Variants in PRKG1 observed in about 807,000 individuals in gnomAD.
The protein encoded by PRKG1 is protein kinase cGMP-dependent 1, also known as cGMP-dependent protein kinase 1.
Under a neutral mutation model 88.1 loss-of-function variants are expected in PRKG1, and 35 were observed. That is an observed-to-expected ratio of 0.40 (90% CI 0.30 to 0.53). PRKG1 has a LOEUF of 0.53. PRKG1 is among the 20% of genes least tolerant of loss of function. PRKG1 has a pLI of 0.59. For synonymous variants in PRKG1, 303 were observed against 292.5 expected (o/e 1.04, Z -0.37); for missense variants, 540 against 839.8 (o/e 0.64, Z 4.41).
At chr10:51,631,143 T>C (rs984777300) in intron 3 of PRKG1, among the ~76,000 whole-genome samples, 1 of 152,198 alleles carries the variant, frequency 6.6e-6, no homozygotes, top group African/African-American at 2.4e-5. Context: ...TTCTTGGTAT[T>C]TTATTTTAAA....
chr10:51,518,599 C>A (rs770407418), intron 3 of PRKG1, among the ~76,000 whole-genome samples: 2 of 152,142 alleles, frequency 1.3e-5, no homozygotes, highest in Non-Finnish European at 2.9e-5. Flanking sequence ...TCCGGGAAAA[C>A]AGATCCTTTA....
At chr10:52,289,096 C>A in intron 16 of PRKG1, 103 bp downstream of exon 16, 1 of 1,093,130 alleles carries the variant, frequency 9.1e-7, no homozygotes, top group Non-Finnish European at 1.3e-6. Flanking sequence ...CCTATAGGAA[C>A]ATCCAAAGAC....
At chr10:51,365,221 A>C (rs1842564745) in intron 2 of PRKG1, among the ~76,000 whole-genome samples, 2 of 151,836 alleles carry the variant, frequency 1.3e-5, no homozygotes, top group Non-Finnish European at 2.9e-5. Context: ...TATCATCATC[A>C]TCTTCTTCGT....
At chr10:51,014,494 A>T (rs1445046257) in intron 1 of PRKG1, among the ~76,000 whole-genome samples, 1 of 152,188 alleles carries the variant, frequency 6.6e-6, no homozygotes, top group African/African-American at 2.4e-5. Flanking sequence ...AGAGGTAAGT[A>T]ATAGGGCTTT....
intron 5 of PRKG1, among the ~76,000 whole-genome samples, chr10:51,929,381 C>T (rs1842642893): frequency 7.8e-6 from 1 of 128,034 alleles, no homozygotes; most frequent in Non-Finnish European, 1.6e-5. Context: ...GACCAAGTCT[C>T]ATTCGGTGGC....
At chr10:52,183,532 C>T (rs547821849) in intron 9 of PRKG1, among the ~76,000 whole-genome samples, 2 of 152,290 alleles carry the variant, frequency 1.3e-5, no homozygotes, top group South Asian at 2.1e-4. Context: ...AGTTGGTTTT[C>T]CTACCGTCCA....
chr10:51,822,142 CATATGTAT>C (rs1228827387), intron 4 of PRKG1, among the ~76,000 whole-genome samples: 2 of 151,544 alleles, frequency 1.3e-5, no homozygotes, highest in Non-Finnish European at 1.5e-5. Context: ...GTATGTATGT[CATATGTAT>C]ATATGTATAT....
intron 5 of PRKG1, among the ~76,000 whole-genome samples, chr10:51,969,555 A>G (rs1037339003): frequency 6.6e-5 from 10 of 152,264 alleles, no homozygotes; most frequent in African/African-American, 2.4e-4. Context: ...AAGAACTTTT[A>G]CAAATCAATA....
rs751572252 is a variant in PRKG1, at chr10:50,991,509, A to G, written c.131A>G (p.Gln44Arg). 45 of 1,611,676 alleles carry G rather than the reference A, an allele frequency of 2.8e-5. No individual in the cohort carries two copies. Among genetic ancestry groups the G allele is most frequent in the Non-Finnish European group, 3.7e-5 (44 of 1,179,132 alleles). Reference sequence around the variant, plus strand: ...CTGAAGAGGAAACTCCACAAATGCCAGTCGGTGCTCCCAGTGCCCTCGACC... The same window carrying G: ...CTGAAGAGGAAACTCCACAAATGCCGGTCGGTGCTCCCAGTGCCCTCGACC... Residue 44 changes from glutamine (Q) to arginine (R), a missense_variant, in exon 1 of 18, where the codon CAG becomes CGG. Transcript: ENST00000401604. This position sits in a 1 kb window ranked among gnomAD's most constrained non-coding sequence, Gnocchi z 4.5.
intron 5 of PRKG1, among the ~76,000 whole-genome samples, chr10:52,051,976 TCTC>T (rs139476023): frequency 0.26 from 38,862 of 151,866 alleles, 6,096 homozygotes; most frequent in East Asian, 0.7. Flanking sequence ...GGAAAGATGT[TCTC>T]CTCTCCCGCT....
rs572047868 is a variant in PRKG1, at chr10:52,187,060, G to A, written c.1076+25097G>A. Among the ~76,000 whole-genome samples, 268 of 152,090 alleles carry A rather than the reference G, an allele frequency of 1.8e-3. No homozygotes were observed. In the Middle Eastern group the frequency reaches 0.037, roughly 21 times the overall value. On this transcript the variant is annotated intron_variant, in intron 9 of 17. Coordinates refer to ENST00000373980, the MANE Select transcript of PRKG1 (RefSeq NM_006258.4). ...AATTTAGTTTCATAGGTTTATCTCCGATATTCAAGATTTAGAAAACTTTAT... is the reference window on the plus strand; with the variant it reads ...AATTTAGTTTCATAGGTTTATCTCCAATATTCAAGATTTAGAAAACTTTAT...
intron 9 of PRKG1, among the ~76,000 whole-genome samples, chr10:52,181,419 C>CTTTTTTTTTTTTT (rs761799361): frequency 1.5e-4 from 8 of 55,054 alleles, no homozygotes; most frequent in Admixed American, 4.2e-4. Context: ...CACAGCTCTT[C>CTTTTTTTTTTTTT]TTTTTTTTTT....
At chr10:52,007,891 C>T (rs1343448144) in intron 5 of PRKG1, among the ~76,000 whole-genome samples, 1 of 152,048 alleles carries the variant, frequency 6.6e-6, no homozygotes, top group East Asian at 1.9e-4. Flanking sequence ...AAATAGTACT[C>T]AGCAAATGTG....
rs536269292 is a variant in PRKG1, at chr10:51,074,558, G to A, written c.-33G>A. On this transcript the variant is annotated 5_prime_UTR_variant, in exon 1 of 18. Transcript: ENST00000373980. ...AGGAAGCCTCAAGACGCGGAGCAGC[G>A]GCAGGAAGGAGCCCCCGGCAGCCCG... The A allele has an allele frequency of 1.9e-6, 3 of 1,590,310 alleles. No homozygotes were observed. Among genetic ancestry groups the A allele is most frequent in the Admixed American group, 3.4e-5 (2 of 58,980 alleles).
chr10:52,151,783 G>A (rs1038246692), intron 8 of PRKG1, among the ~76,000 whole-genome samples: 3 of 152,150 alleles, frequency 2.0e-5, no homozygotes, highest in Non-Finnish European at 4.4e-5. Flanking sequence ...CCTAAACACT[G>A]AAAAGGCTAA....
intron 1 of PRKG1, among the ~76,000 whole-genome samples, chr10:51,043,292 G>T (rs936280912): frequency 6.6e-6 from 1 of 152,196 alleles, no homozygotes; most frequent in Middle Eastern, 3.4e-3. Context: ...ATAATCTGAA[G>T]GTTTCACCAC....
chr10:51,587,289 A>G (rs1310348923), intron 3 of PRKG1, among the ~76,000 whole-genome samples: 2 of 152,134 alleles, frequency 1.3e-5, no homozygotes, highest in Non-Finnish European at 2.9e-5. Flanking sequence ...CAGAAAGGGA[A>G]TTTTTCCTAA....
chr10:51,682,047 G>A (rs1840863726), intron 3 of PRKG1, among the ~76,000 whole-genome samples: 1 of 152,030 alleles, frequency 6.6e-6, no homozygotes, highest in Non-Finnish European at 1.5e-5. Flanking sequence ...GTCCTCTATT[G>A]TACTGGATAA....
At chr10:51,697,101 A>T (rs1233316214) in intron 3 of PRKG1, 1 of 152,278 alleles carries the variant, frequency 6.6e-6, no homozygotes, top group Non-Finnish European at 1.5e-5. Context: ...TTTTCAGGTA[A>T]CATAACTTTA....
Sources: gnomAD v4.1 joint callset for allele counts (sites outside exome capture counted in the v4.1 genomes callset) on GRCh38, gnomAD v4.1.1 for gene constraint, Gnocchi (gnomAD v3.1) non-coding constraint, MANE v1.5 for transcripts, NCBI Gene and HGNC (gene_info 2026-07-23, HGNC 2026-07-21) for gene names.